The following AGMO variants were observed in gnomAD, a reference collection of about 807,000 sequenced individuals.
The protein encoded by AGMO is glyceryl-ether monooxygenase.
In AGMO, 75 loss-of-function variants were observed where a neutral mutation model predicts 60.2. The ratio of observed to expected loss-of-function variants is 1.25; its 90% CI spans 1.03 to 1.51. The LOEUF (loss-of-function observed/expected upper bound fraction) is 1.51. AGMO is among the 40% of genes most tolerant of loss of function. The pLI is 0.00. For synonymous variants in AGMO, 261 were observed against 177.1 expected (o/e 1.47, Z -3.76); for missense variants, 763 against 525.5 (o/e 1.45, Z -4.42).
intron 3 of AGMO, among the ~76,000 whole-genome samples, chr7:15,532,756 C>T (rs4609103): frequency 0.014 from 2,100 of 152,024 alleles, 52 homozygotes; most frequent in African/African-American, 0.048. Flanking sequence ...TTTGGGAGGC[C>T]GAGGTGAGAG....
intron 3 of AGMO, among the ~76,000 whole-genome samples, chr7:15,467,522 G>A (rs1782326392): frequency 6.6e-6 from 1 of 152,082 alleles, no homozygotes; most frequent in Non-Finnish European, 1.5e-5. Context: ...AAAATCAAAA[G>A]CATTTTAAAT....
chr7:15,548,018 G>C (rs1443379061), intron 2 of AGMO, among the ~76,000 whole-genome samples: 3 of 147,624 alleles, frequency 2.0e-5, no homozygotes, highest in Admixed American at 2.0e-4. Context: ...CCTGACACCG[G>C]AGCAGCCTAA....
chr7:15,203,497 C>CTT (rs1270640833), intron 12 of AGMO, among the ~76,000 whole-genome samples: 49 of 147,924 alleles, frequency 3.3e-4, no homozygotes, highest in African/African-American at 1.2e-3. Context: ...TTTTTCTTTT[C>CTT]TTTTTTTTTG....
the AGMO span, among the ~76,000 whole-genome samples, chr7:15,186,746 T>G: frequency 5.9e-5 from 9 of 152,318 alleles, no homozygotes; most frequent in Admixed American, 5.2e-4. Flanking sequence ...TGTTTGGGCC[T>G]AACCAGATCC....
At chr7:15,156,087 TG>T in the AGMO span, among the ~76,000 whole-genome samples, 1 of 151,812 alleles carries the variant, frequency 6.6e-6, no homozygotes, top group Non-Finnish European at 1.5e-5. Context: ...CAGTGAGGGG[TG>T]GGGGGTCCTT....
chr7:15,402,595 T>A (rs1374764804), intron 5 of AGMO, among the ~76,000 whole-genome samples: 2 of 147,054 alleles, frequency 1.4e-5, no homozygotes, highest in Admixed American at 6.8e-5. Flanking sequence ...TTATTAAATA[T>A]ATTTATCATT....
intron 3 of AGMO, among the ~76,000 whole-genome samples, chr7:15,493,387 T>G (rs1783127153): frequency 7.2e-6 from 1 of 139,578 alleles, no homozygotes; most frequent in Non-Finnish European, 1.5e-5. Context: ...TTTTTTTTTT[T>G]TTTTGAGACG....
At chr7:15,298,294 C>T (rs1380163041) in intron 12 of AGMO, among the ~76,000 whole-genome samples, 19 of 152,210 alleles carry the variant, frequency 1.2e-4, no homozygotes, top group Non-Finnish European at 1.5e-4. Flanking sequence ...AGCTTTCTCC[C>T]GTCTTAATCA....
intron 2 of AGMO, among the ~76,000 whole-genome samples, chr7:15,556,441 A>G (rs1299309274): frequency 1.3e-5 from 2 of 151,930 alleles, no homozygotes; most frequent in African/African-American, 4.8e-5. Flanking sequence ...ACCTATTGCA[A>G]TTTGATTTAT....
the AGMO span, among the ~76,000 whole-genome samples, chr7:15,181,905 T>C: frequency 3.3e-5 from 5 of 152,246 alleles, no homozygotes; most frequent in African/African-American, 7.2e-5. Context: ...GAAACATATA[T>C]TGTGCACTCA....
intron 4 of AGMO, 72 bp downstream of exon 4, chr7:15,430,933 T>TTTTTTTTG: frequency 5.1e-6 from 4 of 788,670 alleles, no homozygotes; most frequent in South Asian, 5.4e-5. Context: ...TTTTTTTTTT[T>TTTTTTTTG]GAGGAAATAG....
At chr7:15,179,996 G>T in the AGMO span, among the ~76,000 whole-genome samples, 1 of 152,076 alleles carries the variant, frequency 6.6e-6, no homozygotes, top group African/African-American at 2.4e-5. Flanking sequence ...CATTCTCTGG[G>T]GGCATATCCC....
chr7:15,518,252 A>C (rs1583637433), intron 3 of AGMO, among the ~76,000 whole-genome samples: 1 of 152,220 alleles, frequency 6.6e-6, no homozygotes, highest in Non-Finnish European at 1.5e-5. Flanking sequence ...GCTTCAACAG[A>C]CTTAAACATT....
intron 3 of AGMO, among the ~76,000 whole-genome samples, chr7:15,493,112 C>T (rs1443974672): frequency 6.6e-6 from 1 of 152,028 alleles, no homozygotes; most frequent in Non-Finnish European, 1.5e-5. Context: ...AAGGCATTGC[C>T]AAATTGCTGT....
chr7:15,454,152 T>C (rs1297430746), intron 3 of AGMO, among the ~76,000 whole-genome samples: 2 of 151,656 alleles, frequency 1.3e-5, no homozygotes, highest in Non-Finnish European at 2.9e-5. Flanking sequence ...GAAAAGTAAA[T>C]ATATGCTCAT....
intron 3 of AGMO, among the ~76,000 whole-genome samples, chr7:15,540,084 C>T (rs1166331906): frequency 6.6e-6 from 1 of 152,064 alleles, no homozygotes; most frequent in Non-Finnish European, 1.5e-5. Flanking sequence ...GGGAGGAATT[C>T]AATGTTACAG....
At position 15,385,512 on chromosome 7, in the gene AGMO, C is replaced by A. The variant is rs752295082; in HGVS notation, c.1008G>T (p.Lys336Asn). Residue 336 changes from lysine (K) to asparagine (N), a missense_variant, in exon 10 of 13, where the codon AAG (lysine) becomes AAT (asparagine). Transcript: ENST00000342526. ...PFSSSSSQLL[K>N]IYTVVQFALM... ...GAGCAAACTGTACAACTGTATATATCTTTAATAGCTGAGATGAAGATGATG... is the reference window on the plus strand; with the variant it reads ...GAGCAAACTGTACAACTGTATATATATTTAATAGCTGAGATGAAGATGATG... 4.3e-6 allele frequency: 7 copies of A among 1,613,376 alleles called. No individual in the cohort carries two copies. Among genetic ancestry groups the A allele is most frequent in the Non-Finnish European group, 5.9e-6 (7 of 1,179,562 alleles).
intron 3 of AGMO, among the ~76,000 whole-genome samples, chr7:15,449,444 T>A (rs557349495): frequency 1.3e-5 from 2 of 152,256 alleles, no homozygotes; most frequent in African/African-American, 4.8e-5. Flanking sequence ...AGTGGTCCCA[T>A]AAGATTATAA....
chr7:15,531,585 C>CTATATATATTCTATATATATATTCTA (rs1554283652), intron 3 of AGMO, among the ~76,000 whole-genome samples: 1 of 111,814 alleles, frequency 8.9e-6, no homozygotes, highest in Non-Finnish European at 1.7e-5. Context: ...TATATATATT[C>CTATATATATTCTATATATATATTCTA]TATATATATT....
Sources: allele counts gnomAD v4.1 joint callset (sites outside exome capture counted in the v4.1 genomes callset), GRCh38; gene constraint gnomAD v4.1.1; transcripts MANE v1.5; gene names NCBI Gene and HGNC (gene_info 2026-07-23, HGNC 2026-07-21).